SHANK2: variants seen among roughly 807,000 people sequenced by gnomAD.
SHANK2 encodes SH3 and multiple ankyrin repeat domains 2.
Under a neutral mutation model 133.7 loss-of-function variants are expected in SHANK2, and 43 were observed. The ratio of observed to expected loss-of-function variants is 0.32; its 90% CI spans 0.25 to 0.41. The LOEUF (loss-of-function observed/expected upper bound fraction) is 0.41, where lower values mean the gene tolerates loss of function less well. SHANK2 is among the 10% of genes least tolerant of loss of function. The pLI, the probability that SHANK2 is intolerant of heterozygous loss-of-function variation, is 1.00. For missense variants in SHANK2, 1,994 were observed against 2,235.8 expected, an observed-to-expected ratio of 0.89 and a Z score of 2.18; for synonymous variants, 1,017 against 952.8, an observed-to-expected ratio of 1.07 and a Z score of -1.24.
rs868958266 is a variant in SHANK2, at chr11:70,942,725, C to T, written c.1108-46158G>A. Reference sequence around the variant, plus strand: ...AGTGGATTATAAGTATCTCACCAAGCATCAGTTGCACTCTGCCCTCACCTT... The same window carrying T: ...AGTGGATTATAAGTATCTCACCAAGTATCAGTTGCACTCTGCCCTCACCTT... On this transcript the variant is annotated intron_variant, in intron 10 of 25. Transcript: ENST00000601538. 1.8e-5 allele frequency: 8 copies of T among 456,462 alleles called. No individual in the cohort carries two copies. In the Middle Eastern group the frequency reaches 2.0e-3, roughly 111 times the overall value. 28.3% of individuals were successfully genotyped at this position (456,462 alleles called of 1,614,324 possible). A position where few individuals can be genotyped will look rare whatever the true frequency, so the allele number is the denominator to read the frequency against.
chr11:70,570,902 A>T (rs2060037535), intron 17 of SHANK2, among the ~76,000 whole-genome samples: 1 of 152,182 alleles, frequency 6.6e-6, no homozygotes, highest in Non-Finnish European at 1.5e-5. Flanking sequence ...GGGCTCTGAG[A>T]GTGGACAGTT....
At chr11:70,731,753 C>A (rs781917023) in intron 14 of SHANK2, among the ~76,000 whole-genome samples, 1 of 152,216 alleles carries the variant, frequency 6.6e-6, no homozygotes, top group Non-Finnish European at 1.5e-5. Context: ...GTTTTTAATT[C>A]TCTGGGGCTC....
chr11:70,703,061 C>T (rs1945572820), intron 14 of SHANK2, among the ~76,000 whole-genome samples: 1 of 152,252 alleles, frequency 6.6e-6, no homozygotes, highest in African/African-American at 2.4e-5. Flanking sequence ...CTCTCAAGGT[C>T]ATGGAGTCTG....
At chr11:70,474,270 A>C (rs2058634713) in intron 25 of SHANK2, 1 of 152,478 alleles carries the variant, frequency 6.6e-6, no homozygotes, top group South Asian at 2.1e-4. Context: ...GGCCTTACTG[A>C]AAAGCAGAAC....
chr11:71,179,157 T>G (rs188231036), intron 2 of SHANK2, among the ~76,000 whole-genome samples: 1 of 152,184 alleles, frequency 6.6e-6, no homozygotes, highest in African/African-American at 2.4e-5. Flanking sequence ...ACATTCTTCA[T>G]GAACACAGAT....
chr11:70,600,938 G>C (rs1554990943), intron 17 of SHANK2, among the ~76,000 whole-genome samples: 1 of 152,092 alleles, frequency 6.6e-6, no homozygotes, highest in Non-Finnish European at 1.5e-5. Flanking sequence ...AGGAAAGTTT[G>C]ATAAATTCAT....
chr11:70,643,919 G>C (rs141043460), intron 17 of SHANK2, among the ~76,000 whole-genome samples: 97 of 150,298 alleles, frequency 6.5e-4, no homozygotes, highest in Middle Eastern at 3.4e-3. Context: ...GCAGGTGGAG[G>C]GGGGGGAGGA....
At chr11:71,125,817 A>C (rs180966544) in intron 3 of SHANK2, among the ~76,000 whole-genome samples, 26 of 152,346 alleles carry the variant, frequency 1.7e-4, no homozygotes, top group Non-Finnish European at 3.4e-4. Context: ...TCTGGCTTAA[A>C]AGCTTCAAAG....
chr11:71,080,145 A>G (rs1312642147), intron 8 of SHANK2, among the ~76,000 whole-genome samples: 1 of 151,890 alleles, frequency 6.6e-6, no homozygotes, highest in Non-Finnish European at 1.5e-5. Context: ...GAGTAATGGG[A>G]TGAAAGGCAA....
chr11:71,233,165 A>G (rs1253205607), intron 1 of SHANK2, among the ~76,000 whole-genome samples: 2 of 151,904 alleles, frequency 1.3e-5, no homozygotes, highest in East Asian at 1.9e-4. Context: ...AAAAGTGTAT[A>G]TGAATGTTCA....
chr11:70,855,596 C>T (rs1949156673), intron 11 of SHANK2, among the ~76,000 whole-genome samples: 1 of 152,272 alleles, frequency 6.6e-6, no homozygotes, highest in African/African-American at 2.4e-5. Flanking sequence ...GGAATTCCTA[C>T]ATTCAAATCC....
intron 17 of SHANK2, among the ~76,000 whole-genome samples, chr11:70,552,540 T>G (rs1341947498): frequency 6.6e-6 from 1 of 152,146 alleles, no homozygotes; most frequent in Non-Finnish European, 1.5e-5. Flanking sequence ...GGCTCTAATC[T>G]CCAGGCATTC....
rs551634695 is a variant in SHANK2 at position 70,530,736 on chromosome 11, G to C, written c.2062-27805C>G. On this transcript the variant is annotated intron_variant, in intron 17 of 25. Transcript: ENST00000601538. ...GTGGGTGCCCGGGGCTGGGAGAAGA[G>C]AGAATGAAGAGCTAGTGTTTACTGG... 7.9e-5 allele frequency among the ~76,000 whole-genome samples: 12 copies of C among 152,262 alleles called. No homozygotes were observed. The South Asian group carries it at 1.5e-3, about 18-fold the overall frequency.
At chr11:70,542,771 G>A (rs899209125) in intron 17 of SHANK2, among the ~76,000 whole-genome samples, 1 of 152,188 alleles carries the variant, frequency 6.6e-6, no homozygotes, top group Non-Finnish European at 1.5e-5. Flanking sequence ...ACCTGATCAC[G>A]CAGCTTCCTG....
At chr11:70,623,276 CCCCGGGCGGTTTTTGCCTCTGGGGCTCTA>C (rs2060856983) in intron 17 of SHANK2, among the ~76,000 whole-genome samples, 1 of 152,148 alleles carries the variant, frequency 6.6e-6, no homozygotes, top group Non-Finnish European at 1.5e-5. Flanking sequence ...CCCTCCAGGT[CCCCGGGCGGTTTTTGCCTCTGGGGCTCTA>C]AGCCCACCTC....
At chr11:70,612,291 G>A (rs570421834) in intron 17 of SHANK2, among the ~76,000 whole-genome samples, 7 of 152,286 alleles carry the variant, frequency 4.6e-5, no homozygotes, top group Admixed American at 4.6e-4. Flanking sequence ...GAAACGCAGA[G>A]GGGAAAGGAA....
chr11:70,797,704 C>T (rs1344444193), intron 14 of SHANK2, among the ~76,000 whole-genome samples: 5 of 152,296 alleles, frequency 3.3e-5, no homozygotes, highest in East Asian at 3.9e-4. Flanking sequence ...GGTTGGTGGC[C>T]GCAGCGTCCG....
intron 12 of SHANK2, among the ~76,000 whole-genome samples, chr11:70,814,474 G>A (rs1555053849): frequency 2.0e-5 from 3 of 152,232 alleles, no homozygotes; most frequent in Non-Finnish European, 4.4e-5. Context: ...TCCTGGCACT[G>A]ACTTGAAGCC....
chr11:70,748,074 A>G (rs1946681553), intron 14 of SHANK2, among the ~76,000 whole-genome samples: 1 of 152,140 alleles, frequency 6.6e-6, no homozygotes, highest in Non-Finnish European at 1.5e-5. Flanking sequence ...AGTCAGGAAA[A>G]CTAAAGAAGT....
Sources: gnomAD v4.1 joint callset for allele counts (sites outside exome capture counted in the v4.1 genomes callset) on GRCh38, gnomAD v4.1.1 for gene constraint, MANE v1.5 for transcripts, NCBI Gene and HGNC (gene_info 2026-07-23, HGNC 2026-07-21) for gene names.